SIMC1: variants seen among roughly 807,000 people sequenced by gnomAD.
The protein encoded by SIMC1 is SUMO-interacting motif-containing protein 1.
In SIMC1, 55 loss-of-function variants were observed where a neutral mutation model predicts 82.3. The observed-to-expected ratio is 0.67, with a 90% confidence interval of 0.54 to 0.84. The LOEUF (loss-of-function observed/expected upper bound fraction) is 0.84, where lower values mean the gene tolerates loss of function less well. SIMC1 is among the 40% of genes least tolerant of loss of function. The pLI is 0.00. For synonymous variants in SIMC1, 353 were observed against 426.3 expected (o/e 0.83, Z 2.12); for missense variants, 915 against 1,107.2 (o/e 0.83, Z 2.46).
chr5:176,337,073 C>T lies in SIMC1; in HGVS notation c.2340C>T (p.Ser780=). 1 of 1,613,962 alleles carries T rather than the reference C, an allele frequency of 6.2e-7. No homozygotes were observed. Among genetic ancestry groups the T allele is most frequent in the Non-Finnish European group, 8.5e-7 (1 of 1,179,862 alleles). The change falls in exon 9 of 10, where the codon AGC becomes AGT. Residue 780 remains serine (S), a synonymous_variant. Coordinates refer to ENST00000429602, the MANE Select transcript of SIMC1 (RefSeq NM_001308195.2). ...TSLLKCQSDK[S]QWQTWDELVE... is the part of the protein sequence containing the mutation. ...TACTATCTCTGCAGTCAGATAAAAG[C>T]CAGTGGCAGACTTGGGACGAATTGG...
rs138675679 is a variant in SIMC1 at position 176,273,130 on chromosome 5, C to A, written c.130-16524C>A. 4.9e-3 allele frequency among the ~76,000 whole-genome samples: 748 copies of A among 152,324 alleles called. 7 individuals carry two copies. The highest frequency in any genetic ancestry group is 0.017 in the African/African-American group (718 of 41,576). On this transcript the variant is annotated intron_variant, in intron 1 of 9. Coordinates refer to ENST00000429602, the MANE Select transcript of SIMC1 (RefSeq NM_001308195.2). ...TGAGATCTGAGAACGGACAGACTGC[C>A]TCCTCAAGTGGGTCCCTGACCCCTG...
At chr5:176,336,152 C>G (rs1765883401) in intron 7 of SIMC1, among the ~76,000 whole-genome samples, 2 of 151,932 alleles carry the variant, frequency 1.3e-5, no homozygotes, top group Admixed American at 1.3e-4. Flanking sequence ...AGAAATACCT[C>G]CTGCGTTGAG....
intron 1 of SIMC1, among the ~76,000 whole-genome samples, chr5:176,257,007 T>G (rs1400879958): frequency 6.6e-6 from 1 of 152,242 alleles, no homozygotes; most frequent in Non-Finnish European, 1.5e-5. Context: ...TCCTACCACA[T>G]TGGCCTCCCA....
chr5:176,289,879 C>T lies in SIMC1; in HGVS notation c.355C>T (p.Pro119Ser). The T allele has an allele frequency of 1.2e-6, 2 of 1,613,870 alleles. No homozygotes were observed. The highest frequency in any genetic ancestry group is 1.7e-6 in the Non-Finnish European group (2 of 1,179,842). ...MEGHVDRSSQ[P>S]TARRIINSDP... ...AGGGCACGTGGACAGAAGCTCTCAGCCTACAGCACGGAGAATCATTAACAG... is the reference window on the plus strand; with the variant it reads ...AGGGCACGTGGACAGAAGCTCTCAGTCTACAGCACGGAGAATCATTAACAG... Residue 119 changes from proline (P) to serine (S), a missense_variant, in exon 2 of 10, where the codon CCT (proline) becomes TCT (serine). Around this residue, in one of 2 missense-constraint regions of SIMC1, gnomAD observed 902 missense variants for 1,040.3 expected, o/e 0.87. Coordinates refer to ENST00000429602, the MANE Select transcript of SIMC1 (RefSeq NM_001308195.2).
At chr5:176,285,687 G>A (rs1231979095) in intron 1 of SIMC1, among the ~76,000 whole-genome samples, 4 of 152,052 alleles carry the variant, frequency 2.6e-5, no homozygotes, top group Admixed American at 2.0e-4. Context: ...AGGAAAAGAG[G>A]AAGTCAAATT....
chr5:176,272,046 T>A (rs1581235396), intron 1 of SIMC1, among the ~76,000 whole-genome samples: 1 of 144,940 alleles, frequency 6.9e-6, no homozygotes, highest in African/African-American at 2.5e-5. Context: ...TTATAAAAAT[T>A]AGAAAAAAAA....
At chr5:176,319,446 A>T (rs188217114) in intron 5 of SIMC1, among the ~76,000 whole-genome samples, 2 of 152,130 alleles carry the variant, frequency 1.3e-5, no homozygotes, top group Admixed American at 1.3e-4. Context: ...AGGCAGGAGG[A>T]TCGCTTGAGC....
chr5:176,251,935 ATTT>A, intron 1 of SIMC1, among the ~76,000 whole-genome samples: 1 of 149,556 alleles, frequency 6.7e-6, no homozygotes, highest in East Asian at 2.0e-4. Context: ...AGGCAGAAGA[ATTT>A]TTCTTAGTAC....
chr5:176,336,348 A>G (rs1361588449), intron 7 of SIMC1, among the ~76,000 whole-genome samples: 1 of 152,082 alleles, frequency 6.6e-6, no homozygotes, highest in Non-Finnish European at 1.5e-5. Flanking sequence ...TTCAACTATC[A>G]GCTTTTTGAG....
At chr5:176,319,923 C>T (rs1765085338) in intron 5 of SIMC1, among the ~76,000 whole-genome samples, 1 of 152,060 alleles carries the variant, frequency 6.6e-6, no homozygotes, top group African/African-American at 2.4e-5. Flanking sequence ...AGGTGCGAGA[C>T]TCAAAAGATA....
intron 1 of SIMC1, among the ~76,000 whole-genome samples, chr5:176,272,186 AAAAAAAAAAAAAG>A (rs1321358793): frequency 7.0e-6 from 1 of 143,364 alleles, no homozygotes; most frequent in African/African-American, 2.5e-5. Flanking sequence ...AAAAAAAAAA[AAAAAAAAAAAAAG>A]GTGGGCATGG....
intron 4 of SIMC1, among the ~76,000 whole-genome samples, chr5:176,301,919 C>T (rs1187390423): frequency 6.6e-6 from 1 of 152,170 alleles, no homozygotes; most frequent in Non-Finnish European, 1.5e-5. Context: ...GCAGTCATCC[C>T]TTGGTTGACT....
intron 7 of SIMC1, among the ~76,000 whole-genome samples, chr5:176,333,468 G>A (rs539124999): frequency 2.4e-4 from 37 of 151,384 alleles, no homozygotes; most frequent in South Asian, 1.0e-3. Flanking sequence ...TCACTCTGTC[G>A]CCCAGACTGG....
chr5:176,262,888 A>G (rs1762065445), intron 1 of SIMC1, among the ~76,000 whole-genome samples: 1 of 151,750 alleles, frequency 6.6e-6, no homozygotes, highest in South Asian at 2.1e-4. Flanking sequence ...TATGTAGAAA[A>G]TCTCAAAGAA....
At chr5:176,343,737 A>T (rs941413108) in intron 9 of SIMC1, among the ~76,000 whole-genome samples, 1 of 152,144 alleles carries the variant, frequency 6.6e-6, no homozygotes, top group African/African-American at 2.4e-5. Flanking sequence ...ATTGTACTTC[A>T]TACCACTGTG....
At chr5:176,327,093 C>G (rs1345955805) in intron 7 of SIMC1, among the ~76,000 whole-genome samples, 1 of 152,182 alleles carries the variant, frequency 6.6e-6, no homozygotes, top group Non-Finnish European at 1.5e-5. Flanking sequence ...TTGGGTCCAA[C>G]TCCTCTACTA....
At chr5:176,343,541 T>TA (rs1235049139) in intron 9 of SIMC1, among the ~76,000 whole-genome samples, 2 of 152,220 alleles carry the variant, frequency 1.3e-5, no homozygotes, top group African/African-American at 4.8e-5. Flanking sequence ...GAAAGAATAG[T>TA]ATAACGAATG....
At chr5:176,312,009 C>A (rs1764684476) in intron 4 of SIMC1, among the ~76,000 whole-genome samples, 1 of 152,174 alleles carries the variant, frequency 6.6e-6, no homozygotes, top group Non-Finnish European at 1.5e-5. Context: ...AAATACACTT[C>A]TTTTAGGAAG....
chr5:176,309,289 C>G (rs1335257179), intron 4 of SIMC1, among the ~76,000 whole-genome samples: 1 of 152,166 alleles, frequency 6.6e-6, no homozygotes, highest in African/African-American at 2.4e-5. Flanking sequence ...GCCTTTCTGA[C>G]AAATTATGCT....
Sources: allele counts gnomAD v4.1 joint callset (sites outside exome capture counted in the v4.1 genomes callset), GRCh38; gene constraint gnomAD v4.1.1; regional missense constraint gnomAD v4.1.1; transcripts MANE v1.5; gene names NCBI Gene and HGNC (gene_info 2026-07-23, HGNC 2026-07-21).